The following MAF variants were observed in gnomAD, a reference collection of about 807,000 sequenced individuals.
The protein encoded by MAF is MAF bZIP transcription factor, also known as transcription factor Maf.
A neutral mutation model predicts 22.0 loss-of-function variants in MAF; 10 were observed. The ratio of observed to expected loss-of-function variants is 0.45; its 90% CI spans 0.28 to 0.77. The LOEUF is 0.77. MAF is among the 30% of genes least tolerant of loss of function. The pLI, the probability that MAF is intolerant of heterozygous loss-of-function variation, is 0.12. For synonymous variants in MAF, 337 were observed against 255.8 expected, an observed-to-expected ratio of 1.32 and a Z score of -3.03; for missense variants, 544 against 548.4, an observed-to-expected ratio of 0.99 and a Z score of 0.08.
the MAF span, among the ~76,000 whole-genome samples, chr16:79,232,983 G>T: frequency 2.0e-5 from 3 of 151,580 alleles, no homozygotes; most frequent in Admixed American, 6.6e-5. Context: ...TGGGACTACG[G>T]GCGCCCGCCT....
chr16:79,594,807 T>G, intron 1 of MAF: 2 of 1,276,192 alleles, frequency 1.6e-6, no homozygotes, highest in African/African-American at 3.0e-5. Context: ...GGAGTTAACC[T>G]TCTCTTACAG....
chr16:79,548,748 C>T, the MAF span, among the ~76,000 whole-genome samples: 1 of 152,152 alleles, frequency 6.6e-6, no homozygotes, highest in Non-Finnish European at 1.5e-5. Flanking sequence ...TACCTACCCA[C>T]CATACTCATG....
the MAF span, among the ~76,000 whole-genome samples, chr16:79,216,214 G>A: frequency 3.3e-4 from 50 of 152,184 alleles, no homozygotes; most frequent in African/African-American, 6.5e-4. Context: ...ATATGTATAC[G>A]TGTCATGTGC....
the MAF span, among the ~76,000 whole-genome samples, chr16:79,555,334 A>G: frequency 6.6e-6 from 1 of 152,162 alleles, no homozygotes; most frequent in Non-Finnish European, 1.5e-5. Flanking sequence ...TCTAGACTTT[A>G]CAGTTTGAAG....
At chr16:79,333,477 A>T in the MAF span, among the ~76,000 whole-genome samples, 1 of 152,182 alleles carries the variant, frequency 6.6e-6, no homozygotes, top group Non-Finnish European at 1.5e-5. Context: ...GGCCCTGAGG[A>T]GGTGCCCATA....
chr16:79,282,101 G>A, the MAF span, among the ~76,000 whole-genome samples: 1,355 of 152,130 alleles, frequency 8.9e-3, 12 homozygotes, highest in Non-Finnish European at 0.015. Context: ...AGGAGTTCGA[G>A]ACCAGCCTGG....
At chr16:79,531,545 G>A in the MAF span, among the ~76,000 whole-genome samples, 68 of 152,154 alleles carry the variant, frequency 4.5e-4, no homozygotes, top group African/African-American at 1.6e-3. Context: ...GCCACCAGAT[G>A]GTCCCATCTG....
At chr16:79,491,352 G>A in the MAF span, among the ~76,000 whole-genome samples, 2,700 of 152,172 alleles carry the variant, frequency 0.018, 82 homozygotes, top group African/African-American at 0.062. Context: ...TAGAACCCTT[G>A]GTCTGCCAAA....
At chr16:79,453,371 A>G in the MAF span, among the ~76,000 whole-genome samples, 1 of 152,198 alleles carries the variant, frequency 6.6e-6, no homozygotes, top group South Asian at 2.1e-4. Flanking sequence ...AACAATTTTT[A>G]AATTTATCAA....
chr16:79,318,817 CCTCT>C, the MAF span, among the ~76,000 whole-genome samples: 8 of 152,266 alleles, frequency 5.3e-5, no homozygotes, highest in Admixed American at 2.0e-4. Context: ...GAAAACACAG[CCTCT>C]GCTGGAAGAC....
chr16:79,495,314 T>C, the MAF span, among the ~76,000 whole-genome samples: 2 of 152,168 alleles, frequency 1.3e-5, no homozygotes, highest in African/African-American at 4.8e-5. Context: ...CATTTTTTTT[T>C]AAATGGGACA....
the MAF span, among the ~76,000 whole-genome samples, chr16:79,404,164 C>CT: frequency 1.5e-3 from 183 of 122,060 alleles, 1 homozygote; most frequent in Non-Finnish European, 2.1e-3. Flanking sequence ...TCTGGATTTT[C>CT]TTTTTTTTTT....
the MAF span, among the ~76,000 whole-genome samples, chr16:79,337,011 G>A: frequency 2.0e-5 from 3 of 152,144 alleles, no homozygotes; most frequent in Admixed American, 2.0e-4. Context: ...AATATCCAAA[G>A]GCATCAAATA....
At chr16:79,320,526 T>G in the MAF span, among the ~76,000 whole-genome samples, 1 of 152,200 alleles carries the variant, frequency 6.6e-6, no homozygotes, top group African/African-American at 2.4e-5. Flanking sequence ...AGGAGGCTCC[T>G]GGTACTCCCC....
chr16:79,232,735 T>C, the MAF span, among the ~76,000 whole-genome samples: 8 of 151,910 alleles, frequency 5.3e-5, no homozygotes, highest in Non-Finnish European at 7.4e-5. Flanking sequence ...TTCCCTCCCA[T>C]TTGATCTATG....
chr16:79,527,685 A>T, the MAF span, among the ~76,000 whole-genome samples: 5 of 152,266 alleles, frequency 3.3e-5, no homozygotes, highest in Non-Finnish European at 4.4e-5. Flanking sequence ...CTTCTTAGTG[A>T]AGCTTGTGAG....
chr16:79,391,175 T>A, the MAF span, among the ~76,000 whole-genome samples: 1 of 152,198 alleles, frequency 6.6e-6, no homozygotes, highest in East Asian at 1.9e-4. Flanking sequence ...TGAAACCCAG[T>A]GCTCTAAGAC....
the MAF span, among the ~76,000 whole-genome samples, chr16:79,235,158 G>T: frequency 6.6e-6 from 1 of 152,078 alleles, no homozygotes; most frequent in African/African-American, 2.4e-5. Context: ...CACCGGGAAA[G>T]TGGCATATCC....
At chr16:79,589,822 C>A (rs948888434), downstream of MAF, among the ~76,000 whole-genome samples, 7 of 152,142 alleles carry the variant, frequency 4.6e-5, no homozygotes, top group African/African-American at 1.7e-4. Flanking sequence ...GGGCGCGGGG[C>A]CCTGGGGCGC....
Sources: gnomAD v4.1 joint callset for allele counts (sites outside exome capture counted in the v4.1 genomes callset) on GRCh38, gnomAD v4.1.1 for gene constraint, MANE v1.5 for transcripts, NCBI Gene and HGNC (gene_info 2026-07-23, HGNC 2026-07-21) for gene names.